The following TUSC3 variants were observed in gnomAD, a reference collection of about 807,000 sequenced individuals.
TUSC3 encodes the protein tumor suppressor candidate 3, also known as dolichyl-diphosphooligosaccharide--protein glycosyltransferase subunit TUSC3.
Under a neutral mutation model 44.8 loss-of-function variants are expected in TUSC3, and 45 were observed. That is an observed-to-expected ratio of 1.00 (90% confidence interval 0.79 to 1.29). The LOEUF is 1.29. Among genes scored for constraint, TUSC3 ranks in the 50% most tolerant of loss-of-function variants. The pLI is 0.00. For missense variants in TUSC3, 519 were observed against 437.9 expected (o/e 1.19, Z -1.65); for synonymous variants, 212 against 152.9 (o/e 1.39, Z -2.85).
intron 1 of TUSC3, among the ~76,000 whole-genome samples, chr8:15,585,371 T>A (rs780927795): frequency 7.9e-5 from 12 of 152,198 alleles, no homozygotes; most frequent in Non-Finnish European, 1.8e-4. Flanking sequence ...AGGTATCACC[T>A]GGAGTTCTTT....
At chr8:15,735,110 G>C (rs537538030) in intron 7 of TUSC3, among the ~76,000 whole-genome samples, 2 of 152,100 alleles carry the variant, frequency 1.3e-5, no homozygotes, top group African/African-American at 4.8e-5. Flanking sequence ...CCTGTTTAGG[G>C]AACAGAAAGC....
chr8:15,574,833 G>T (rs983536369), intron 1 of TUSC3, among the ~76,000 whole-genome samples: 1 of 152,020 alleles, frequency 6.6e-6, no homozygotes. Context: ...AAATCACTTG[G>T]AAAACATTTA....
intron 1 of TUSC3, among the ~76,000 whole-genome samples, chr8:15,567,165 C>T (rs1231661203): frequency 1.3e-5 from 2 of 152,114 alleles, no homozygotes; most frequent in Non-Finnish European, 2.9e-5. Flanking sequence ...ATTCTTTGAA[C>T]TCTGACATTT....
chr8:15,746,970 C>CCCAATATTCATTTGAAGTTCA (rs1377525665), intron 8 of TUSC3, among the ~76,000 whole-genome samples: 6 of 151,914 alleles, frequency 3.9e-5, no homozygotes, highest in African/African-American at 1.4e-4. Context: ...TTTATTTTCT[C>CCCAATATTCATTTGAAGTTCA]CCAATATTCA....
intron 1 of TUSC3, among the ~76,000 whole-genome samples, chr8:15,426,275 C>T (rs1439169813): frequency 6.6e-6 from 1 of 152,130 alleles, no homozygotes; most frequent in Non-Finnish European, 1.5e-5. Context: ...ATAAAATCTA[C>T]CCTCTTAACA....
At chr8:15,600,698 A>C (rs1232013735) in intron 1 of TUSC3, among the ~76,000 whole-genome samples, 6 of 151,694 alleles carry the variant, frequency 4.0e-5, no homozygotes, top group African/African-American at 1.4e-4. Context: ...TTGCCATGTA[A>C]GTTAAGAATT....
chr8:15,464,361 T>C (rs961524044), intron 1 of TUSC3, among the ~76,000 whole-genome samples: 1 of 152,174 alleles, frequency 6.6e-6, no homozygotes, highest in African/African-American at 2.4e-5. Flanking sequence ...TAAATAGCTG[T>C]GCATGACTGG....
chr8:15,633,467 G>C (rs1319407213), intron 2 of TUSC3, among the ~76,000 whole-genome samples: 1 of 152,168 alleles, frequency 6.6e-6, no homozygotes, highest in Non-Finnish European at 1.5e-5. Context: ...AGGTAGCCCA[G>C]ACTGTGGCCT....
At chr8:15,618,874 CGG>C (rs1194545457) in intron 1 of TUSC3, among the ~76,000 whole-genome samples, 2 of 151,884 alleles carry the variant, frequency 1.3e-5, no homozygotes, top group Non-Finnish European at 2.9e-5. Context: ...CAGTATTAGG[CGG>C]TAAGAATTTT....
intron 10 of TUSC3, among the ~76,000 whole-genome samples, chr8:15,759,034 AG>A (rs1244260292): frequency 6.6e-6 from 1 of 152,186 alleles, no homozygotes; most frequent in Non-Finnish European, 1.5e-5. Flanking sequence ...ATTCTAGCTA[AG>A]GGCCACAATG....
chr8:15,655,643 TC>T (rs1267043474), intron 3 of TUSC3, among the ~76,000 whole-genome samples: 2 of 152,208 alleles, frequency 1.3e-5, no homozygotes. Context: ...AAAACTTGCC[TC>T]AGTCTCTAAC....
chr8:15,758,339 G>A (rs1812020139), intron 10 of TUSC3: 2 of 694,806 alleles, frequency 2.9e-6, no homozygotes, highest in South Asian at 1.3e-4. Flanking sequence ...ACAGATAGTA[G>A]GTACTTTATT....
chr8:15,479,688 TGTA>T (rs1290481813), intron 1 of TUSC3, among the ~76,000 whole-genome samples: 1 of 152,192 alleles, frequency 6.6e-6, no homozygotes, highest in Non-Finnish European at 1.5e-5. Context: ...TACTATACCT[TGTA>T]GTATAATTTG....
intron 1 of TUSC3, among the ~76,000 whole-genome samples, chr8:15,585,882 A>G (rs1260384738): frequency 1.3e-5 from 2 of 152,082 alleles, no homozygotes; most frequent in Non-Finnish European, 2.9e-5. Context: ...TCTCTCAATA[A>G]TAGCTGCCAT....
chr8:15,532,361 T>C (rs576943466), intron 2 of TUSC3, among the ~76,000 whole-genome samples: 9 of 152,302 alleles, frequency 5.9e-5, no homozygotes, highest in African/African-American at 1.7e-4. Context: ...TTGTGGAGGC[T>C]GAGAAGTACC....
At chr8:15,436,486 C>A (rs1799946915) in intron 1 of TUSC3, among the ~76,000 whole-genome samples, 1 of 152,154 alleles carries the variant, frequency 6.6e-6, no homozygotes, top group Non-Finnish European at 1.5e-5. Flanking sequence ...TTCAGCATAA[C>A]CTTGTGAGCT....
At chr8:15,476,783 A>T (rs561192565) in intron 1 of TUSC3, among the ~76,000 whole-genome samples, 1 of 152,208 alleles carries the variant, frequency 6.6e-6, no homozygotes, top group Non-Finnish European at 1.5e-5. Context: ...GAGGTTTCCT[A>T]TTGGCCACTT....
chr8:15,621,128 T>C (rs982774093), intron 1 of TUSC3, among the ~76,000 whole-genome samples: 1 of 152,070 alleles, frequency 6.6e-6, no homozygotes, highest in Non-Finnish European at 1.5e-5. Context: ...TTCCACTCTT[T>C]CCATAGAGGG....
At chr8:15,431,047 A>C (rs1362384028) in intron 1 of TUSC3, among the ~76,000 whole-genome samples, 5 of 151,722 alleles carry the variant, frequency 3.3e-5, no homozygotes, top group African/African-American at 1.2e-4. Context: ...TATATGTATC[A>C]GTCTTTGTGC....
Sources: gnomAD v4.1 joint callset for allele counts (sites outside exome capture counted in the v4.1 genomes callset) on GRCh38, gnomAD v4.1.1 for gene constraint, MANE v1.5 for transcripts, NCBI Gene and HGNC (gene_info 2026-07-23, HGNC 2026-07-21) for gene names.